HTT: variants seen among roughly 807,000 people sequenced by gnomAD.
The protein encoded by HTT is huntington disease protein.
In HTT, 104 loss-of-function variants were observed where a neutral mutation model predicts 362.3. The observed-to-expected ratio is 0.29, with a 90% CI of 0.24 to 0.34. HTT has a LOEUF of 0.34. Among genes scored for constraint, HTT ranks in the 10% least tolerant of loss-of-function variants. HTT has a pLI of 1.00. For missense variants in HTT, 3,301 were observed against 3,928.6 expected, an observed-to-expected ratio of 0.84 and a Z score of 4.27; for synonymous variants, 1,577 against 1,548.7, an observed-to-expected ratio of 1.02 and a Z score of -0.43.
chr4:3,077,168 A>G (rs1231402031), intron 1 of HTT, among the ~76,000 whole-genome samples: 1 of 152,038 alleles, frequency 6.6e-6, no homozygotes, highest in Admixed American at 6.6e-5. Flanking sequence ...ACAGAGCGAG[A>G]CTCTATCTCA....
chr4:3,179,642 G>A (rs1718406865), intron 35 of HTT, among the ~76,000 whole-genome samples: 1 of 151,664 alleles, frequency 6.6e-6, no homozygotes, highest in Non-Finnish European at 1.5e-5. Flanking sequence ...GTGTGCCTGT[G>A]TGTGTGCTTG....
At position 3,131,292 on chromosome 4, in the gene HTT, C is replaced by T. The variant is rs748665877; in HGVS notation, c.1993C>T (p.Arg665Cys). The T allele has an allele frequency of 2.8e-5, 45 of 1,610,652 alleles. No homozygotes were observed. Among genetic ancestry groups the T allele is most frequent in the African/African-American group, 1.1e-4 (8 of 74,816 alleles). The change falls in exon 15 of 67, where the codon CGC becomes TGC. Residue 665 changes from arginine (R) to cysteine (C), a missense_variant. Transcript: ENST00000355072. ...EPGDQENKPC[R>C]IKGDIGQSTD... ...GTCATTGTCTCCTTTCTAGCCTTGC[C>T]GCATCAAAGGTGACATTGGACAGTC...
intron 26 of HTT, among the ~76,000 whole-genome samples, chr4:3,153,789 T>C (rs1382005223): frequency 6.6e-6 from 1 of 152,152 alleles, no homozygotes; most frequent in Non-Finnish European, 1.5e-5. Flanking sequence ...CTGGGTGATG[T>C]GGCGTGTGCC....
intron 2 of HTT, among the ~76,000 whole-genome samples, chr4:3,093,390 C>G (rs1713622273): frequency 2.0e-5 from 3 of 152,046 alleles, no homozygotes; most frequent in African/African-American, 7.2e-5. Context: ...TTGTTCGCAA[C>G]AAAAATAATA....
chr4:3,215,882 G>A (rs1257870368), intron 51 of HTT, among the ~76,000 whole-genome samples: 1 of 152,188 alleles, frequency 6.6e-6, no homozygotes, highest in Non-Finnish European at 1.5e-5. Context: ...TTTTGTTCTT[G>A]CCAGGGCCCC....
intron 2 of HTT, among the ~76,000 whole-genome samples, chr4:3,096,496 A>T (rs1286433418): frequency 6.6e-6 from 1 of 152,232 alleles, no homozygotes; most frequent in African/African-American, 2.4e-5. Context: ...AATTAAAAGC[A>T]TTCAAATTAT....
In HTT at chr4:3,187,674, G is replaced by A; in HGVS notation, c.5013G>A (p.Leu1671=). 6.2e-7 allele frequency: 1 copy of A among 1,613,938 alleles called. No homozygotes were observed. The highest frequency in any genetic ancestry group is 8.5e-7 in the Non-Finnish European group (1 of 1,179,798). Residue 1671 remains leucine (L), a synonymous_variant, in exon 39 of 67, where the codon CTG becomes CTA. Coordinates refer to ENST00000355072, the MANE Select transcript of HTT (RefSeq NM_001388492.1). ...AGGCGTCCGTGAGCACTGTTCAACT[G>A]TGGATATCGGGAATTCTGGCCATTT... ...NTMASVSTVQ[L]WISGILAILR... is the part of the protein sequence containing the mutation.
At chr4:3,076,671 A>G (rs919272551) in intron 1 of HTT, among the ~76,000 whole-genome samples, 9 of 152,214 alleles carry the variant, frequency 5.9e-5, no homozygotes, top group African/African-American at 1.9e-4. Context: ...AACACTAAAC[A>G]GGGCTCCTGA....
At position 3,206,796 on chromosome 4, in the gene HTT, C is replaced by T; in HGVS notation, c.5899-11C>T. 2 of 1,593,104 alleles carry T rather than the reference C, an allele frequency of 1.3e-6. No individual in the cohort carries two copies. The highest frequency in any genetic ancestry group is 1.7e-6 in the Non-Finnish European group (2 of 1,167,776). ...ATAGTCATCTTTTGTTCTTTTCCTT[C>T]TTGCTGTTAGCCAACCATGCTGAAG... On this transcript the variant is annotated splice_polypyrimidine_tract_variant and intron_variant, in intron 43 of 66. Transcript: ENST00000355072. This position sits in a 1 kb window ranked among gnomAD's most constrained non-coding sequence, Gnocchi z 4.6.
rs754540863 is a variant in HTT at position 3,236,208 on chromosome 4, G to A, written c.8845G>A (p.Glu2949Lys). ...SDPNPAAPDS[E>K]SVIVAMERVS... ...CCCTAATCCTGCAGCCCCCGACAGCGAGTCAGTGATTGTTGCTATGGAGCG... is the reference window on the plus strand; with the variant it reads ...CCCTAATCCTGCAGCCCCCGACAGCAAGTCAGTGATTGTTGCTATGGAGCG... Residue 2949 changes from glutamate (E) to lysine (K), a missense_variant, in exon 64 of 67, where the codon GAG becomes AAG. Glu to Lys is a moderately conservative substitution (Grantham distance 56). Around this residue, in one of 4 missense-constraint regions of HTT, gnomAD observed 753 missense variants for 1,021.3 expected, o/e 0.74. Transcript: ENST00000355072. 3.7e-6 allele frequency: 6 copies of A among 1,614,064 alleles called. No homozygotes were observed. The highest frequency in any genetic ancestry group is 1.1e-5 in the South Asian group (1 of 91,084).
intron 16 of HTT, among the ~76,000 whole-genome samples, chr4:3,132,157 G>A (rs919048838): frequency 4.6e-5 from 7 of 152,216 alleles, no homozygotes; most frequent in East Asian, 3.9e-4. Context: ...AGTCTCCATC[G>A]CGCCCATGCT....
At position 3,224,037 on chromosome 4, in the gene HTT, G is replaced by A. The variant is rs138489139; in HGVS notation, c.7671G>A (p.Glu2557=). The A allele has an allele frequency of 1.3e-3, 2,134 of 1,614,032 alleles. 12 individuals are homozygous for A. The highest frequency in any genetic ancestry group is 5.1e-3 in the Middle Eastern group (31 of 6,062). ...TTATCAGAGGGATTGTGGAGCAAGA[G>A]ATTCAAGCAATGGTTTCAAAGAGAG... ...LSIIRGIVEQ[E]IQAMVSKREN... Residue 2557 remains glutamate (E), a synonymous_variant, in exon 56 of 67, where the codon GAG becomes GAA. Coordinates refer to ENST00000355072, the MANE Select transcript of HTT (RefSeq NM_001388492.1).
At chr4:3,083,542 C>T (rs868460050) in intron 1 of HTT, among the ~76,000 whole-genome samples, 3,721 of 106,718 alleles carry the variant, frequency 0.035, 132 homozygotes, top group African/African-American at 0.11. Context: ...CACACACACA[C>T]ACACACACAC....
In HTT at chr4:3,229,959, C is replaced by G; in HGVS notation, c.8182C>G (p.Arg2728Gly). The change falls in exon 60 of 67, where the codon CGA (arginine) becomes GGA (glycine). Residue 2728 changes from arginine to glycine, a missense_variant. Transcript: ENST00000355072. Reference sequence around the variant, plus strand: ...GATGTATGTGACGCTGACAGAACTGCGAAGGGTGCACCCTTCAGAAGACGA... The same window carrying G: ...GATGTATGTGACGCTGACAGAACTGGGAAGGGTGCACCCTTCAGAAGACGA... ...ELMYVTLTEL[R>G]RVHPSEDEIL... 6.2e-7 allele frequency: 1 copy of G among 1,613,468 alleles called. No homozygotes were observed. The highest frequency in any genetic ancestry group is 8.5e-7 in the Non-Finnish European group (1 of 1,179,362).
At chr4:3,217,340 T>C (rs1720459064) in intron 51 of HTT, among the ~76,000 whole-genome samples, 1 of 152,100 alleles carries the variant, frequency 6.6e-6, no homozygotes, top group Non-Finnish European at 1.5e-5. Flanking sequence ...GGAAAGCCAG[T>C]GAAGCAAGGA....
In HTT at chr4:3,238,944, G is replaced by A. The variant is rs1363452184; in HGVS notation, c.9181G>A (p.Val3061Ile). ...CACGTGGAGCCTCTCCTGCTTCTTT[G>A]TCAGCGCGTCCACCAGCCCGTGGGT... ...MATWSLSCFFVSASTSPWVAA... is the reference protein window; with the variant it reads ...MATWSLSCFFISASTSPWVAA... Residue 3061 changes from valine (V) to isoleucine (I), a missense_variant, in exon 66 of 67, where the codon GTC (valine) becomes ATC (isoleucine). This residue lies in a region of HTT where 753 missense variants were observed against 1,021.3 expected (regional missense o/e 0.74). Transcript: ENST00000355072. 6.2e-7 allele frequency: 1 copy of A among 1,609,580 alleles called. No homozygotes were observed. The highest frequency in any genetic ancestry group is 1.3e-5 in the African/African-American group (1 of 74,896).
In HTT at chr4:3,228,978, C is replaced by T. The variant is rs1345353445; in HGVS notation, c.8078C>T (p.Pro2693Leu). The part of the protein sequence containing the change: ...ILPSSSARRT[P>L]AILISEVVRS... ...CCGTCCAGCTCAGCCAGGAGGACCC[C>T]GGCCATCCTGATCAGTGAGGTGGTC... Residue 2693 changes from proline (P) to leucine (L), a missense_variant, in exon 59 of 67, where the codon CCG becomes CTG. Pro to Leu is a moderately conservative substitution (Grantham distance 98, BLOSUM62 -3). Coordinates refer to ENST00000355072, the MANE Select transcript of HTT (RefSeq NM_001388492.1). The surrounding 1 kb of genome is among the most constrained non-coding windows in gnomAD (Gnocchi z 4.3). 5 of 1,613,552 alleles carry T rather than the reference C, an allele frequency of 3.1e-6. No individual in the cohort carries two copies. Among genetic ancestry groups the T allele is most frequent in the Non-Finnish European group, 4.2e-6 (5 of 1,179,748 alleles).
At chr4:3,143,213 G>A (rs950859395) in intron 23 of HTT, among the ~76,000 whole-genome samples, 1 of 152,138 alleles carries the variant, frequency 6.6e-6, no homozygotes, top group Non-Finnish European at 1.5e-5. Flanking sequence ...AAGGTTGGGG[G>A]CTCACTTGAG....
rs1265939849 is a variant in HTT, at chr4:3,131,683, C to T, written c.2144C>T (p.Ala715Val). ...GTGAGGGTCAGCGTGAAGGCCCTGG[C>T]CCTCAGCTGTGTGGGAGCAGCTGTG... Reference protein sequence around the residue: ...RDVRVSVKALALSCVGAAVAL... With the variant: ...RDVRVSVKALVLSCVGAAVAL... Residue 715 changes from alanine to valine, a missense_variant, in exon 16 of 67, where the codon GCC becomes GTC. This residue lies in a region of HTT where 2,316 missense variants were observed against 2,658.5 expected (regional missense o/e 0.87). Coordinates refer to ENST00000355072, the MANE Select transcript of HTT (RefSeq NM_001388492.1). The T allele has an allele frequency of 1.4e-5, 22 of 1,613,842 alleles. No homozygotes were observed. The highest frequency in any genetic ancestry group is 3.3e-5 in the Admixed American group (2 of 60,002).
Sources: allele counts gnomAD v4.1 joint callset (sites outside exome capture counted in the v4.1 genomes callset), GRCh38; gene constraint gnomAD v4.1.1; regional missense constraint gnomAD v4.1.1; non-coding constraint Gnocchi (gnomAD v3.1); transcripts MANE v1.5; gene names NCBI Gene and HGNC (gene_info 2026-07-23, HGNC 2026-07-21).